The following SLC14A2 variants were observed in gnomAD, a reference collection of about 807,000 sequenced individuals.
SLC14A2 encodes the protein solute carrier family 14 member 2, also known as urea transporter 2.
In SLC14A2, 91 loss-of-function variants were observed where a neutral mutation model predicts 104.6. That is an observed-to-expected ratio of 0.87 (90% CI 0.73 to 1.04). SLC14A2 has a LOEUF of 1.04. SLC14A2 is among the 50% of genes least tolerant of loss of function. The pLI is 0.00. For synonymous variants in SLC14A2, 476 were observed against 466.4 expected (o/e 1.02, Z -0.27); for missense variants, 1,189 against 1,156.0 (o/e 1.03, Z -0.41).
the SLC14A2 span, among the ~76,000 whole-genome samples, chr18:45,193,715 C>G: frequency 6.6e-6 from 1 of 151,932 alleles, no homozygotes; most frequent in Non-Finnish European, 1.5e-5. Flanking sequence ...TATTTCCAGA[C>G]AAATTTTAGC....
At chr18:45,445,106 C>CTTTTTT (rs34188378) in intron 1 of SLC14A2, among the ~76,000 whole-genome samples, 7 of 94,740 alleles carry the variant, frequency 7.4e-5, no homozygotes, top group African/African-American at 1.3e-4. Context: ...AATTGACATG[C>CTTTTTT]TTTTTTTTTT....
chr18:45,288,784 T>C (rs1274668412), intron 1 of SLC14A2, among the ~76,000 whole-genome samples: 1 of 152,200 alleles, frequency 6.6e-6, no homozygotes, highest in East Asian at 1.9e-4. Flanking sequence ...CAATTGATCA[T>C]GCCATGCCCA....
intron 1 of SLC14A2, among the ~76,000 whole-genome samples, chr18:45,436,349 G>T (rs2086596851): frequency 6.6e-6 from 1 of 152,112 alleles, no homozygotes; most frequent in South Asian, 2.1e-4. Flanking sequence ...GTCCTTTGAT[G>T]ACCCCCAAGT....
chr18:45,642,676 G>A (rs1018305975), intron 8 of SLC14A2, among the ~76,000 whole-genome samples: 5 of 152,204 alleles, frequency 3.3e-5, no homozygotes, highest in Admixed American at 2.0e-4. Flanking sequence ...CAGCCCTGGT[G>A]AGACTTGGTG....
chr18:45,493,953 A>C (rs2043045620), intron 2 of SLC14A2, among the ~76,000 whole-genome samples: 1 of 152,248 alleles, frequency 6.6e-6, no homozygotes, highest in African/African-American at 2.4e-5. Flanking sequence ...CACATCCTTA[A>C]TCACCTAAAT....
At chr18:45,209,713 T>C (rs530829098), upstream of SLC14A2, among the ~76,000 whole-genome samples, 1 of 152,152 alleles carries the variant, frequency 6.6e-6, no homozygotes, top group Non-Finnish European at 1.5e-5. Context: ...TGCTAACCTA[T>C]TTTTCGAGAT....
the SLC14A2 span, among the ~76,000 whole-genome samples, chr18:45,175,164 C>T: frequency 6.6e-6 from 1 of 152,092 alleles, no homozygotes; most frequent in Non-Finnish European, 1.5e-5. Flanking sequence ...AAATGATATA[C>T]CTACAAGGTT....
chr18:45,445,106 CTTTTTTTT>C (rs34188378), intron 1 of SLC14A2, among the ~76,000 whole-genome samples: 1 of 94,748 alleles, frequency 1.1e-5, no homozygotes, highest in Non-Finnish European at 2.0e-5. Context: ...AATTGACATG[CTTTTTTTT>C]TTTTTTTTTT....
chr18:45,668,381 A>T lies in SLC14A2; in HGVS notation c.1940A>T (p.Asn647Ile). The T allele has an allele frequency of 6.2e-7, 1 of 1,614,116 alleles. No homozygotes were observed. The highest frequency in any genetic ancestry group is 2.2e-5 in the East Asian group (1 of 44,878). ...ATCGCTGCAGGATTTCACGGCTACA[A>T]TGGGGTGCTGGTGGGGCTGCTGATG... ...SAIAAGFHGY[N>I]GVLVGLLMAV... The change falls in exon 15 of 20, where the codon AAT (asparagine) becomes ATT (isoleucine). Residue 647 changes from asparagine (N) to isoleucine (I), a missense_variant. Coordinates refer to ENST00000255226, the MANE Select transcript of SLC14A2 (RefSeq NM_007163.4).
intron 1 of SLC14A2, among the ~76,000 whole-genome samples, chr18:45,246,337 A>C (rs1009818421): frequency 2.6e-5 from 4 of 152,178 alleles, no homozygotes; most frequent in Non-Finnish European, 5.9e-5. Context: ...TAAGCCACCC[A>C]ATCTGTGGTA....
At chr18:45,284,937 G>A (rs546385065) in intron 1 of SLC14A2, among the ~76,000 whole-genome samples, 4 of 152,176 alleles carry the variant, frequency 2.6e-5, no homozygotes, top group African/African-American at 7.2e-5. Context: ...GGCCTGTTCA[G>A]AAGAGAGGGA....
At chr18:45,395,072 A>G (rs1396107212) in intron 1 of SLC14A2, among the ~76,000 whole-genome samples, 1 of 152,156 alleles carries the variant, frequency 6.6e-6, no homozygotes, top group African/African-American at 2.4e-5. Flanking sequence ...TTGAAAATAT[A>G]TTTTTGCTTT....
At chr18:45,652,203 A>G (rs1373979840) in intron 10 of SLC14A2, among the ~76,000 whole-genome samples, 1 of 152,170 alleles carries the variant, frequency 6.6e-6, no homozygotes, top group Non-Finnish European at 1.5e-5. Context: ...TACTCAATAA[A>G]CCATGGTCTC....
At chr18:45,240,375 A>G (rs970258279) in intron 1 of SLC14A2, among the ~76,000 whole-genome samples, 9 of 151,958 alleles carry the variant, frequency 5.9e-5, no homozygotes, top group Non-Finnish European at 1.0e-4. Context: ...GATTACAGGC[A>G]TGAGCCACCA....
chr18:45,504,483 G>T (rs1344689366), intron 2 of SLC14A2, among the ~76,000 whole-genome samples: 2 of 152,160 alleles, frequency 1.3e-5, no homozygotes, highest in Non-Finnish European at 2.9e-5. Context: ...CTGCATAACT[G>T]TTCCCATCCA....
intron 1 of SLC14A2, among the ~76,000 whole-genome samples, chr18:45,402,676 C>T (rs1851141482): frequency 6.6e-6 from 1 of 152,144 alleles, no homozygotes; most frequent in Non-Finnish European, 1.5e-5. Flanking sequence ...CCACTCCCCT[C>T]CACCCCAACC....
intron 1 of SLC14A2, among the ~76,000 whole-genome samples, chr18:45,274,417 A>G (rs919148111): frequency 1.3e-5 from 2 of 152,096 alleles, no homozygotes; most frequent in Non-Finnish European, 2.9e-5. Flanking sequence ...TGCCTTGACC[A>G]TTGTTTGCCA....
Position 45,546,290 on chromosome 18 carries a change from G to T in SLC14A2, c.-35+62968G>T, listed in dbSNP as rs575144827. Among the ~76,000 whole-genome samples the T allele has an allele frequency of 5.3e-5, 8 of 152,356 alleles. No homozygotes were observed. The South Asian group carries it at 1.5e-3, about 28-fold the overall frequency. On this transcript the variant is annotated intron_variant, in intron 2 of 20. Transcript: ENST00000586448. ...CGAACTCCTAGAAGAATTGCTGAGA[G>T]AAGTTATTCAAACATTTAAGGCTTT...
At chr18:45,373,124 C>A (rs2085740058) in intron 1 of SLC14A2, among the ~76,000 whole-genome samples, 1 of 152,154 alleles carries the variant, frequency 6.6e-6, no homozygotes, top group South Asian at 2.1e-4. Context: ...ACTAGACCAG[C>A]TCCTCCATAA....
Sources: gnomAD v4.1 joint callset for allele counts (sites outside exome capture counted in the v4.1 genomes callset) on GRCh38, gnomAD v4.1.1 for gene constraint, MANE v1.5 for transcripts, NCBI Gene and HGNC (gene_info 2026-07-23, HGNC 2026-07-21) for gene names.